Variants in MLST8 observed in about 807,000 individuals in gnomAD.
The protein encoded by MLST8 is MTOR associated protein MLST8, also known as target of rapamycin complex subunit LST8.
In MLST8, 20 loss-of-function variants were observed where a neutral mutation model predicts 41.3. The observed-to-expected ratio is 0.48, with a 90% CI of 0.34 to 0.70. The LOEUF (loss-of-function observed/expected upper bound fraction) is 0.70, where lower values mean the gene tolerates loss of function less well. Among genes scored for constraint, MLST8 ranks in the 30% least tolerant of loss-of-function variants. The pLI, the probability that MLST8 is intolerant of heterozygous loss-of-function variation, is 0.01. For synonymous variants in MLST8, 243 were observed against 183.0 expected (o/e 1.33, Z -2.65); for missense variants, 422 against 454.3 (o/e 0.93, Z 0.65).
chr16:2,208,738 C>G (rs373151760), intron 8 of MLST8, 21 bp from the exon 9 acceptor site: 3 of 1,613,886 alleles, frequency 1.9e-6, no homozygotes, highest in South Asian at 1.1e-5. Context: ...GCTCTTAGCC[C>G]TGCACAATCT....
chr16:2,206,699 G>A (rs777077580), intron 4 of MLST8, 40 bp downstream of exon 4: 1 of 1,601,642 alleles, frequency 6.2e-7, no homozygotes, highest in South Asian at 1.1e-5. Context: ...GGCTGGGGTG[G>A]GCTGCTCTGG....
chr16:2,205,609 T>TTA, intron 1 of MLST8, 97 bp downstream of exon 1: 1 of 898,962 alleles, frequency 1.1e-6, no homozygotes, highest in Non-Finnish European at 1.3e-6. Flanking sequence ...GCAAGGGCGG[T>TTA]CACCGGAGGA....
rs2093341610 is a variant in MLST8 at position 2,208,465 on chromosome 16, C to T, written c.714C>T (p.Cys238=). Residue 238 remains cysteine (C), a synonymous_variant, in exon 8 of 9, where the codon TGC becomes TGT. Transcript: ENST00000569417. The part of the protein sequence containing the change: ...FSPDSTLLAT[C]SADQTCKIWR... ...CACCCACTAGGCTCCTCGCCACCTG[C>T]TCGGCTGATCAGACGTGCAAGATCT... The T allele has an allele frequency of 6.2e-7, 1 of 1,612,890 alleles. No individual in the cohort carries two copies. Among genetic ancestry groups the T allele is most frequent in the South Asian group, 1.1e-5 (1 of 91,080 alleles).
rs928208289 is a variant in MLST8 at position 2,208,927 on chromosome 16, C to T, written c.*50C>T. On this transcript the variant is annotated 3_prime_UTR_variant, in exon 9 of 9. Transcript: ENST00000569417. Reference sequence around the variant, plus strand: ...GTGCAGGTGGTGGCAGCTGGAGGGACCCATGCAGCACCCAGGTCAGAGCAG... The same window carrying T: ...GTGCAGGTGGTGGCAGCTGGAGGGATCCATGCAGCACCCAGGTCAGAGCAG... 1.5e-5 allele frequency: 24 copies of T among 1,585,200 alleles called. No homozygotes were observed. The highest frequency in any genetic ancestry group is 2.2e-5 in the East Asian group (1 of 44,778).
rs1228767459 is a variant in MLST8, at chr16:2,208,460, A to G, written c.709A>G (p.Thr237Ala). The G allele has an allele frequency of 6.2e-7, 1 of 1,612,748 alleles. No homozygotes were observed. The highest frequency in any genetic ancestry group is 1.1e-5 in the South Asian group (1 of 91,078). Reference protein sequence around the residue: ...RFSPDSTLLATCSADQTCKIW... With the variant: ...RFSPDSTLLAACSADQTCKIW... ...ATGCCCACCCACTAGGCTCCTCGCCACCTGCTCGGCTGATCAGACGTGCAA... is the reference window on the plus strand; with the variant it reads ...ATGCCCACCCACTAGGCTCCTCGCCGCCTGCTCGGCTGATCAGACGTGCAA... Residue 237 changes from threonine to alanine, a missense_variant, in exon 8 of 9, where the codon ACC becomes GCC. Thr to Ala is a moderately conservative substitution (Grantham distance 58). Coordinates refer to ENST00000569417, the MANE Select transcript of MLST8 (RefSeq NM_022372.6).
chr16:2,206,100 A>T lies in MLST8; in HGVS notation c.15A>T (p.Pro5=), dbSNP rs200101621. MNTS[P]GTVGSDPVIL... is the part of the protein sequence containing the mutation. ...CAGGCCACACCATGAACACCTCCCC[A>T]GGCACGGTGGGCAGTGACCCGGTCA... is the stretch of plus-strand genomic sequence containing the variant. The change falls in exon 2 of 9, where the codon CCA becomes CCT. Residue 5 remains proline, a synonymous_variant. Transcript: ENST00000569417. 6.9e-6 allele frequency: 11 copies of T among 1,603,110 alleles called. No homozygotes were observed. The South Asian group carries it at 1.2e-4, about 18-fold the overall frequency.
chr16:2,208,642 C>T, intron 8 of MLST8, 29 bp downstream of exon 8: 2 of 1,611,968 alleles, frequency 1.2e-6, no homozygotes, highest in Non-Finnish European at 1.7e-6. Context: ...TCCCCCATCC[C>T]TGGCCCCCGG....
Position 2,209,057 on chromosome 16 carries a change from C to G in MLST8, c.*180C>G. 1 of 695,682 alleles carries G rather than the reference C, an allele frequency of 1.4e-6. No homozygotes were observed. The highest frequency in any genetic ancestry group is 2.4e-6 in the Non-Finnish European group (1 of 409,182). The allele number at this position is 695,682 out of a possible 1,614,324, so 43.1% of individuals were successfully genotyped here. A position where few individuals can be genotyped will look rare whatever the true frequency, so the allele number is the denominator to read the frequency against. ...GACTCTCAGCCCCCAGTTGCTTATC[C>G]AGATGTGACAGAGCTCGACCCAAGC... On this transcript the variant is annotated 3_prime_UTR_variant, in exon 9 of 9. Transcript: ENST00000569417.
rs117300624 is a variant in MLST8, at chr16:2,206,820, G to T, written c.344+161G>T. ...GGAGGAGAGTGAATTGCATCAGAGC[G>T]CGAGTCCTGCCTTGAGCCCGGAGCC... On this transcript the variant is annotated intron_variant, in intron 4 of 8. Coordinates refer to ENST00000569417, the MANE Select transcript of MLST8 (RefSeq NM_022372.6). 26 of 1,023,162 alleles carry T rather than the reference G, an allele frequency of 2.5e-5. 1 individual carries two copies. Among genetic ancestry groups the T allele is most frequent in the South Asian group, 2.1e-4 (16 of 75,304 alleles). The allele number at this position is 1,023,162 out of a possible 1,614,324, so 63.4% of individuals were successfully genotyped here. A position where few individuals can be genotyped will look rare whatever the true frequency, so the allele number is the denominator to read the frequency against.
At position 2,206,493 on chromosome 16, in the gene MLST8, C is replaced by T; in HGVS notation, c.182-4C>T. 6.2e-7 allele frequency: 1 copy of T among 1,611,228 alleles called. No individual in the cohort carries two copies. The highest frequency in any genetic ancestry group is 8.5e-7 in the Non-Finnish European group (1 of 1,177,592). ...CCAAGCTTCAGTTCAGCCTGTGTCC[C>T]TAGGTTACCAGCACATCCGCATGTA... On this transcript the variant is annotated splice_region_variant and splice_polypyrimidine_tract_variant and intron_variant, in intron 3 of 8. Coordinates refer to ENST00000569417, the MANE Select transcript of MLST8 (RefSeq NM_022372.6).
chr16:2,208,784 C>G lies in MLST8; in HGVS notation c.888C>G (p.Leu296=), dbSNP rs367837650. ...VTASSDNLAR[L]WCVETGEIKR... ...CTTCCTCGGACAACCTGGCCCGGCT[C>G]TGGTGTGTGGAGACTGGAGAGATCA... Residue 296 remains leucine, a synonymous_variant, in exon 9 of 9, where the codon CTC becomes CTG. Transcript: ENST00000569417. 1.9e-6 allele frequency: 3 copies of G among 1,613,916 alleles called. No homozygotes were observed. Among genetic ancestry groups the G allele is most frequent in the African/African-American group, 2.7e-5 (2 of 74,932 alleles).
At chr16:2,205,841 G>T in intron 1 of MLST8, 190 bp from the exon 2 acceptor site, 1 of 1,263,188 alleles carries the variant, frequency 7.9e-7, no homozygotes, top group Non-Finnish European at 1.0e-6. Flanking sequence ...GCGTGGGGCG[G>T]GGATGGAGCA....
rs922998831 is a variant in MLST8 at position 2,208,155 on chromosome 16, C to G, written c.574-55C>G. 2.6e-6 allele frequency: 4 copies of G among 1,542,520 alleles called. No individual in the cohort carries two copies. In the East Asian group the frequency reaches 6.9e-5, roughly 27 times the overall value. Reference sequence around the variant, plus strand: ...GTGTTGGCCCCCAGGGCATCCTTCCCTGTGTCTCAGACCTGAGGCCTTGGG... The same window carrying G: ...GTGTTGGCCCCCAGGGCATCCTTCCGTGTGTCTCAGACCTGAGGCCTTGGG... On this transcript the variant is annotated intron_variant, in intron 6 of 8. Coordinates refer to ENST00000569417, the MANE Select transcript of MLST8 (RefSeq NM_022372.6).
Position 2,205,869 on chromosome 16 carries a change from G to A in MLST8, c.-55-162G>A, listed in dbSNP as rs763185780. 6.6e-6 allele frequency: 9 copies of A among 1,353,900 alleles called. No homozygotes were observed. The Admixed American group carries it at 1.1e-4, about 17-fold the overall frequency. 83.9% of individuals were successfully genotyped at this position (1,353,900 alleles called of 1,614,324 possible). ...ATGGAGCACGCGCCCTGGAGCCCCG[G>A]AGCCAGGTATCACGCGTGTGACGCG... On this transcript the variant is annotated intron_variant, in intron 1 of 8. Coordinates refer to ENST00000569417, the MANE Select transcript of MLST8 (RefSeq NM_022372.6).
At chr16:2,207,684 C>T in intron 6 of MLST8, 1 of 368,358 alleles carries the variant, frequency 2.7e-6, no homozygotes, top group Non-Finnish European at 5.0e-6. Flanking sequence ...CTCCCCTGGC[C>T]CCTGACACGT....
At chr16:2,205,812 G>GA (rs746382351) in intron 1 of MLST8, 13 of 1,099,936 alleles carry the variant, frequency 1.2e-5, no homozygotes, top group Middle Eastern at 3.6e-4. Context: ...GTGGGGGGGG[G>GA]ACGGCGCCCC....
chr16:2,206,315 G>A, intron 2 of MLST8, 43 bp from the exon 3 acceptor site: 1 of 1,611,754 alleles, frequency 6.2e-7, no homozygotes, highest in Non-Finnish European at 8.5e-7. Context: ...GGGGGGCCCT[G>A]GCCTCAGGGC....
At chr16:2,205,691 CG>C in intron 1 of MLST8, 179 bp downstream of exon 1, 1 of 992,756 alleles carries the variant, frequency 1.0e-6, no homozygotes, top group Non-Finnish European at 1.2e-6. Context: ...GCTACGCATG[CG>C]CAGCCGCAGC....
rs200892288 is a variant in MLST8, at chr16:2,207,345, C to T, written c.573C>T (p.Thr191=). The T allele has an allele frequency of 2.5e-4, 411 of 1,613,480 alleles. No individual in the cohort carries two copies. The African/African-American group carries it at 4.1e-3, about 16-fold the overall frequency. The change falls in exon 6 of 9, where the codon ACC becomes ACT. Residue 191 remains threonine (T), a splice_region_variant and synonymous_variant. Transcript: ENST00000569417. ...DASYMAAVNS[T]GNCYVWNLTG... is the part of the protein sequence containing the mutation. ...GCTACATGGCAGCTGTCAATAGCAC[C>T]GTGAGTCCTGGTGGCAGGTGCTGGG...
Sources: allele counts gnomAD v4.1 joint callset, GRCh38; gene constraint gnomAD v4.1.1; transcripts MANE v1.5; gene names NCBI Gene and HGNC (gene_info 2026-07-23, HGNC 2026-07-21).